EPHA3: variants seen among roughly 807,000 people sequenced by gnomAD.
EPHA3 encodes the protein EPH receptor A3.
A neutral mutation model predicts 107.1 loss-of-function variants in EPHA3; 42 were observed. The observed-to-expected ratio is 0.39, with a 90% CI of 0.31 to 0.51. EPHA3 has a LOEUF of 0.51. EPHA3 is among the 20% of genes least tolerant of loss of function. EPHA3 has a pLI of 0.78. For missense variants in EPHA3, 1,183 were observed against 1,211.2 expected (o/e 0.98, Z 0.35); for synonymous variants, 461 against 424.8 (o/e 1.09, Z -1.05).
intron 1 of EPHA3, among the ~76,000 whole-genome samples, chr3:89,120,872 A>C (rs1200530567): frequency 6.6e-6 from 1 of 152,236 alleles, no homozygotes; most frequent in Non-Finnish European, 1.5e-5. Flanking sequence ...TTCTTATATC[A>C]CATAAATAGG....
chr3:89,169,221 T>G (rs1705153744), intron 2 of EPHA3, among the ~76,000 whole-genome samples: 1 of 152,154 alleles, frequency 6.6e-6, no homozygotes, highest in South Asian at 2.1e-4. Flanking sequence ...CTATAATAAT[T>G]TTATCACTGC....
chr3:89,273,680 G>A (rs1400451924), intron 3 of EPHA3, among the ~76,000 whole-genome samples: 1 of 151,792 alleles, frequency 6.6e-6, no homozygotes, highest in Admixed American at 6.6e-5. Flanking sequence ...GAGGGCACCT[G>A]GTTACAACAT....
intron 5 of EPHA3, among the ~76,000 whole-genome samples, chr3:89,394,057 G>T (rs1708800248): frequency 6.6e-6 from 1 of 152,110 alleles, no homozygotes; most frequent in South Asian, 2.1e-4. Flanking sequence ...GCAAAAAGTT[G>T]GTAAGAAAAT....
At chr3:89,392,376 T>G (rs1352304560) in intron 5 of EPHA3, among the ~76,000 whole-genome samples, 1 of 150,570 alleles carries the variant, frequency 6.6e-6, no homozygotes, top group Non-Finnish European at 1.5e-5. Context: ...GAAGTGGAGG[T>G]GCAGTGAGCC....
chr3:89,429,071 T>A (rs763059754), intron 11 of EPHA3, 35 bp from the exon 12 acceptor site: 12 of 1,415,216 alleles, frequency 8.5e-6, no homozygotes, highest in Non-Finnish European at 9.0e-6. Context: ...ACTTGAACTG[T>A]ACTGATTATT....
chr3:89,121,825 T>C (rs1200451139), intron 1 of EPHA3, among the ~76,000 whole-genome samples: 1 of 151,940 alleles, frequency 6.6e-6, no homozygotes, highest in Non-Finnish European at 1.5e-5. Context: ...CAGGAACAAT[T>C]AAATTAAGAA....
intron 3 of EPHA3, among the ~76,000 whole-genome samples, chr3:89,314,035 T>G (rs909509634): frequency 6.6e-5 from 10 of 151,980 alleles, no homozygotes; most frequent in African/African-American, 9.7e-5. Flanking sequence ...ATTAATGTTG[T>G]GTAATACTTT....
intron 2 of EPHA3, among the ~76,000 whole-genome samples, chr3:89,202,812 C>A (rs1334015168): frequency 6.6e-6 from 1 of 151,906 alleles, no homozygotes; most frequent in African/African-American, 2.4e-5. Context: ...AAGTTATTTC[C>A]CCACACACTG....
intron 3 of EPHA3, among the ~76,000 whole-genome samples, chr3:89,333,270 T>C (rs1707327560): frequency 6.6e-6 from 1 of 152,210 alleles, no homozygotes; most frequent in Non-Finnish European, 1.5e-5. Context: ...CCACAGTGTT[T>C]AGTTCCTGTT....
At chr3:89,474,795 T>C (rs1228652901) in intron 16 of EPHA3, among the ~76,000 whole-genome samples, 2 of 152,236 alleles carry the variant, frequency 1.3e-5, no homozygotes, top group Non-Finnish European at 2.9e-5. Context: ...GCGACATTAC[T>C]TATGTCAGCA....
chr3:89,356,687 A>G lies in EPHA3; in HGVS notation c.1306+14597A>G, dbSNP rs140881280. ...ACATATACATATGTATATATAATGTATGTATATCCATTGATTCTGTGCCAT... is the reference window on the plus strand; with the variant it reads ...ACATATACATATGTATATATAATGTGTGTATATCCATTGATTCTGTGCCAT... On this transcript the variant is annotated intron_variant, in intron 5 of 16. Transcript: ENST00000336596. Among the ~76,000 whole-genome samples, 6 of 151,320 alleles carry G rather than the reference A, an allele frequency of 4.0e-5. No homozygotes were observed. In the East Asian group the frequency reaches 7.8e-4, roughly 20 times the overall value.
At chr3:89,276,979 A>C (rs1268330362) in intron 3 of EPHA3, among the ~76,000 whole-genome samples, 1 of 152,106 alleles carries the variant, frequency 6.6e-6, no homozygotes, top group Non-Finnish European at 1.5e-5. Flanking sequence ...TATAAAGTTC[A>C]TGATTAATTG....
At chr3:89,398,663 GTT>G (rs1284704135) in intron 6 of EPHA3, among the ~76,000 whole-genome samples, 1 of 152,152 alleles carries the variant, frequency 6.6e-6, no homozygotes, top group Non-Finnish European at 1.5e-5. Context: ...TTCTTTGTAA[GTT>G]TGTTATTGGA....
chr3:89,384,104 T>C (rs1300356860), intron 5 of EPHA3, among the ~76,000 whole-genome samples: 1 of 152,174 alleles, frequency 6.6e-6, no homozygotes, highest in African/African-American at 2.4e-5. Flanking sequence ...TGATTTATTG[T>C]TCAGACTAAA....
chr3:89,382,450 A>G (rs1393631251), intron 5 of EPHA3, among the ~76,000 whole-genome samples: 1 of 150,936 alleles, frequency 6.6e-6, no homozygotes, highest in Non-Finnish European at 1.5e-5. Context: ...GGAGGCTGCT[A>G]TGAGCTAAGA....
intron 2 of EPHA3, among the ~76,000 whole-genome samples, chr3:89,173,534 A>T (rs906023000): frequency 2.0e-5 from 3 of 152,124 alleles, no homozygotes; most frequent in Admixed American, 1.3e-4. Context: ...AGAAAAAAAT[A>T]GAAACAAGTA....
intron 3 of EPHA3, among the ~76,000 whole-genome samples, chr3:89,332,111 A>G (rs1462480454): frequency 1.3e-5 from 2 of 152,138 alleles, no homozygotes; most frequent in African/African-American, 2.4e-5. Flanking sequence ...TGCTCATTAC[A>G]TGCATATTCT....
At chr3:89,276,132 T>C (rs1196268466) in intron 3 of EPHA3, among the ~76,000 whole-genome samples, 1 of 152,072 alleles carries the variant, frequency 6.6e-6, no homozygotes, top group East Asian at 1.9e-4. Flanking sequence ...CTTCTAAAAA[T>C]GTCCATACTC....
At position 89,450,386 on chromosome 3, in the gene EPHA3, T is replaced by A. The variant is rs1186726728; in HGVS notation, c.2690+16T>A. On this transcript the variant is annotated intron_variant, in intron 15 of 16. Transcript: ENST00000336596. ...CAGCCGCAAGGTGACACATTCAATTTGTTATCTGGCATTCACTCTGAAATT... is the reference window on the plus strand; with the variant it reads ...CAGCCGCAAGGTGACACATTCAATTAGTTATCTGGCATTCACTCTGAAATT... 6.3e-7 allele frequency: 1 copy of A among 1,599,594 alleles called. No homozygotes were observed. Among genetic ancestry groups the A allele is most frequent in the East Asian group, 2.2e-5 (1 of 44,484 alleles).
Sources: allele counts gnomAD v4.1 joint callset (sites outside exome capture counted in the v4.1 genomes callset), GRCh38; gene constraint gnomAD v4.1.1; transcripts MANE v1.5; gene names NCBI Gene and HGNC (gene_info 2026-07-23, HGNC 2026-07-21).